ITM2B: variants seen among roughly 807,000 people sequenced by gnomAD.
ITM2B encodes the protein integral membrane protein 2B.
A neutral mutation model predicts 27.8 loss-of-function variants in ITM2B; 11 were observed. The ratio of observed to expected loss-of-function variants is 0.40; its 90% CI spans 0.25 to 0.66. The LOEUF (loss-of-function observed/expected upper bound fraction) is 0.66. Ranked by LOEUF, ITM2B falls within the 30% of genes least tolerant of loss-of-function variation. The pLI, the probability that ITM2B is intolerant of heterozygous loss-of-function variation, is 0.43. For synonymous variants in ITM2B, 114 were observed against 114.3 expected (o/e 1.00, Z 0.02); for missense variants, 296 against 328.9 (o/e 0.90, Z 0.77).
intron 1 of ITM2B, 78 bp from the exon 2 acceptor site, chr13:48,253,730 A>G (rs183448084): frequency 1.4e-6 from 2 of 1,385,198 alleles, no homozygotes; most frequent in East Asian, 4.6e-5. Flanking sequence ...AATGATAATC[A>G]TTAAGGTTTT....
intron 1 of ITM2B, among the ~76,000 whole-genome samples, chr13:48,236,515 G>A (rs1002521865): frequency 6.6e-6 from 1 of 152,104 alleles, no homozygotes; most frequent in Admixed American, 6.5e-5. Flanking sequence ...GAAGATGCTA[G>A]GATTACATAA....
At chr13:48,241,994 A>G (rs1013862600) in intron 1 of ITM2B, among the ~76,000 whole-genome samples, 10 of 152,054 alleles carry the variant, frequency 6.6e-5, no homozygotes, top group Non-Finnish European at 1.2e-4. Context: ...CTGCTGTTTC[A>G]TGGTTTGTTT....
Position 48,256,247 on chromosome 13 carries a change from A to T in ITM2B, c.317A>T (p.Asp106Val). 1.2e-6 allele frequency: 2 copies of T among 1,613,062 alleles called. No individual in the cohort carries two copies. The highest frequency in any genetic ancestry group is 1.7e-6 in the Non-Finnish European group (2 of 1,179,032). ...GTCATCTTAAATGAGCCCTCTGCAG[A>T]TGCCCCAGCTGCTCTCTACCAGACA... ...DDVILNEPSA[D>V]APAALYQTIE... Residue 106 changes from aspartate (D) to valine (V), a missense_variant, in exon 3 of 6, where the codon GAT becomes GTT. Transcript: ENST00000647800.
Position 48,263,777 on chromosome 13 carries a change from C to T in ITM2B, c.*2553C>T, listed in dbSNP as rs546732607. 3 of 152,202 alleles carry T rather than the reference C, an allele frequency of 2.0e-5. No homozygotes were observed. Among genetic ancestry groups the T allele is most frequent in the East Asian group, 3.9e-4 (2 of 5,176 alleles). 9.4% of individuals were successfully genotyped at this position (152,202 alleles called of 1,614,324 possible). Reference sequence around the variant, plus strand: ...CTTATATCACAGATGACTCTGGGTTCCTCTTACAAGGACACTAGTTCCATT... The same window carrying T: ...CTTATATCACAGATGACTCTGGGTTTCTCTTACAAGGACACTAGTTCCATT... On this transcript the variant is annotated 3_prime_UTR_variant, in exon 6 of 6. Transcript: ENST00000647800.
chr13:48,260,464 C>T (rs1416525951), intron 5 of ITM2B, among the ~76,000 whole-genome samples: 2 of 152,202 alleles, frequency 1.3e-5, no homozygotes, highest in Non-Finnish European at 2.9e-5. Context: ...CTCCCACCAA[C>T]AGTGTAAAAG....
rs899221116 is a variant in ITM2B at position 48,264,787 on chromosome 13, T to C, written c.*3563T>C. 5 of 152,220 alleles carry C rather than the reference T, an allele frequency of 3.3e-5. No individual in the cohort carries two copies. Among genetic ancestry groups the C allele is most frequent in the African/African-American group, 1.2e-4 (5 of 41,458 alleles). 9.4% of individuals were successfully genotyped at this position (152,220 alleles called of 1,614,324 possible). ...TAGCGTTCTTCTTTCTGAGTCTTTG[T>C]GGCTAATGCTTTTTTGAGGAAGAAG... On this transcript the variant is annotated 3_prime_UTR_variant, in exon 6 of 6. Coordinates refer to ENST00000647800, the MANE Select transcript of ITM2B (RefSeq NM_021999.5).
rs996780850 is a variant in ITM2B at position 48,234,494 on chromosome 13, A to G, written c.117+1017A>G. Among the ~76,000 whole-genome samples, 122 of 152,172 alleles carry G rather than the reference A, an allele frequency of 8.0e-4. 1 individual carries two copies. The highest frequency in any genetic ancestry group is 8.4e-4 in the Non-Finnish European group (57 of 68,028). On this transcript the variant is annotated intron_variant, in intron 1 of 5. Transcript: ENST00000647800. Reference sequence around the variant, plus strand: ...TTTCAAGACCTATTATCAGTAGGGTAAATTTAGTTTTAACTTAAAAAAATT... The same window carrying G: ...TTTCAAGACCTATTATCAGTAGGGTGAATTTAGTTTTAACTTAAAAAAATT...
In ITM2B at chr13:48,233,225, G is replaced by GC; in HGVS notation, c.-135dup. On this transcript the variant is annotated 5_prime_UTR_variant, in exon 1 of 6. Coordinates refer to ENST00000647800, the MANE Select transcript of ITM2B (RefSeq NM_021999.5). ...TACCGCAGTAGCCGCCTCTGCCGCCGCGGAGCTTCCCGAACCTCTTCAGCC... is the reference window on the plus strand; with the variant it reads ...TACCGCAGTAGCCGCCTCTGCCGCCGCCGGAGCTTCCCGAACCTCTTCAGCC... 4 of 461,390 alleles carry GC rather than the reference G, an allele frequency of 8.7e-6. 1 individual carries two copies. The South Asian group carries it at 1.1e-4, about 12-fold the overall frequency. The allele number at this position is 461,390 out of a possible 1,614,324, so 28.6% of individuals were successfully genotyped here. A position where few individuals can be genotyped will look rare whatever the true frequency, so the allele number is the denominator to read the frequency against.
intron 1 of ITM2B, among the ~76,000 whole-genome samples, chr13:48,237,378 A>G (rs1479493775): frequency 6.6e-6 from 1 of 152,238 alleles, no homozygotes. Context: ...GCGTCTGTGC[A>G]TCCCAAATGC....
chr13:48,255,267 GCGTGCGCGCACGTGTA>G (rs1317580179), intron 2 of ITM2B, among the ~76,000 whole-genome samples: 1 of 151,662 alleles, frequency 6.6e-6, no homozygotes, highest in East Asian at 1.9e-4. Flanking sequence ...GCGCGCGTGT[GCGTGCGCGCACGTGTA>G]CATGTACTGT....
At position 48,264,880 on chromosome 13, in the gene ITM2B, T is replaced by C. The variant is rs945358525; in HGVS notation, c.*3656T>C. Reference sequence around the variant, plus strand: ...ATCTTACTGAAAAAATTAAGCACAATTTAAGATTTTTTTTGAAATATTTAC... The same window carrying C: ...ATCTTACTGAAAAAATTAAGCACAACTTAAGATTTTTTTTGAAATATTTAC... On this transcript the variant is annotated 3_prime_UTR_variant, in exon 6 of 6. Transcript: ENST00000647800. The C allele has an allele frequency of 6.6e-6, 1 of 152,144 alleles. No homozygotes were observed. The highest frequency in any genetic ancestry group is 2.4e-5 in the African/African-American group (1 of 41,428). The allele number at this position is 152,144 out of a possible 1,614,324, so 9.4% of individuals were successfully genotyped here.
chr13:48,241,672 G>C (rs1951700720), intron 1 of ITM2B, among the ~76,000 whole-genome samples: 1 of 152,148 alleles, frequency 6.6e-6, no homozygotes, highest in Non-Finnish European at 1.5e-5. Context: ...GATTTAAGAA[G>C]ACTAACAGTA....
chr13:48,258,276 A>T, intron 4 of ITM2B, 40 bp downstream of exon 4: 1 of 993,672 alleles, frequency 1.0e-6, no homozygotes, highest in Non-Finnish European at 1.6e-6. Flanking sequence ...TGATGCCTTC[A>T]TAGTGTTCTG....
At chr13:48,261,113 A>T (rs1416234794) in intron 5 of ITM2B, 26 bp from the exon 6 acceptor site, 3 of 1,532,868 alleles carry the variant, frequency 2.0e-6, no homozygotes, top group East Asian at 2.3e-5. Context: ...TCAAAATTTT[A>T]AAAAACTTTT....
chr13:48,245,757 T>C (rs186438971), intron 1 of ITM2B, among the ~76,000 whole-genome samples: 1 of 152,044 alleles, frequency 6.6e-6, no homozygotes, highest in African/African-American at 2.4e-5. Context: ...GAATCTGTTT[T>C]ATAGACCTTG....
rs1352578994 is a variant in ITM2B at position 48,264,358 on chromosome 13, A to C, written c.*3134A>C. On this transcript the variant is annotated 3_prime_UTR_variant, in exon 6 of 6. Transcript: ENST00000647800. The stretch of plus-strand genomic sequence containing the variant: ...AGAAGCAAGAAAAAAAAATGTACAC[A>C]GTGTCCTAAATGTTGTTTATCTCGA... 6.6e-6 allele frequency: 1 copy of C among 152,184 alleles called. No homozygotes were observed. The highest frequency in any genetic ancestry group is 2.4e-5 in the African/African-American group (1 of 41,446). The allele number at this position is 152,184 out of a possible 1,614,324, so 9.4% of individuals were successfully genotyped here. A position where few individuals can be genotyped will look rare whatever the true frequency, so the allele number is the denominator to read the frequency against.
rs1433442195 is a variant in ITM2B at position 48,268,609 on chromosome 13, C to G, written c.*7385C>G. The G allele has an allele frequency of 6.6e-6, 1 of 152,078 alleles. No individual in the cohort carries two copies. The highest frequency in any genetic ancestry group is 1.5e-5 in the Non-Finnish European group (1 of 68,010). 9.4% of individuals were successfully genotyped at this position (152,078 alleles called of 1,614,324 possible). A position where few individuals can be genotyped will look rare whatever the true frequency, so the allele number is the denominator to read the frequency against. The stretch of plus-strand genomic sequence containing the variant: ...ACAAGTGTGAGGCACTGTGCCCTGC[C>G]AGTATTCCATTTTTTGTGTATACCA... On this transcript the variant is annotated 3_prime_UTR_variant, in exon 6 of 6. Coordinates refer to ENST00000647800, the MANE Select transcript of ITM2B (RefSeq NM_021999.5).
At chr13:48,258,544 A>T (rs1417560115) in intron 4 of ITM2B, among the ~76,000 whole-genome samples, 3 of 152,218 alleles carry the variant, frequency 2.0e-5, no homozygotes, top group Non-Finnish European at 4.4e-5. Flanking sequence ...AATTCTACTT[A>T]TAAAAACAAG....
Position 48,233,304 on chromosome 13 carries a change from C to A in ITM2B, c.-57C>A. On this transcript the variant is annotated 5_prime_UTR_variant, in exon 1 of 6. Coordinates refer to ENST00000647800, the MANE Select transcript of ITM2B (RefSeq NM_021999.5). ...TAGAGGCTGCAATCGCAGCCGGGAGCCCGCAGCCCGCGCCCCGAGCCCGCC... is the reference window on the plus strand; with the variant it reads ...TAGAGGCTGCAATCGCAGCCGGGAGACCGCAGCCCGCGCCCCGAGCCCGCC... The A allele has an allele frequency of 3.4e-6, 4 of 1,159,812 alleles. No individual in the cohort carries two copies. Among genetic ancestry groups the A allele is most frequent in the Non-Finnish European group, 4.9e-6 (4 of 817,294 alleles). 71.8% of individuals were successfully genotyped at this position (1,159,812 alleles called of 1,614,324 possible). A position where few individuals can be genotyped will look rare whatever the true frequency, so the allele number is the denominator to read the frequency against.
Sources: allele counts gnomAD v4.1 joint callset (sites outside exome capture counted in the v4.1 genomes callset), GRCh38; gene constraint gnomAD v4.1.1; transcripts MANE v1.5; gene names NCBI Gene and HGNC (gene_info 2026-07-23, HGNC 2026-07-21).